Variants in PCDHA7 observed in about 807,000 individuals in gnomAD.
The protein encoded by PCDHA7 is protocadherin alpha 7.
In PCDHA7, 37 loss-of-function variants were observed where a neutral mutation model predicts 57.2. That is an observed-to-expected ratio of 0.65 (90% CI 0.50 to 0.85). The LOEUF is 0.85. Ranked by LOEUF, PCDHA7 falls within the 40% of genes least tolerant of loss-of-function variation. The pLI is 0.00. For synonymous variants in PCDHA7, 553 were observed against 558.8 expected, an observed-to-expected ratio of 0.99 and a Z score of 0.15; for missense variants, 1,188 against 1,241.8, an observed-to-expected ratio of 0.96 and a Z score of 0.65.
chr5:140,887,101 CTTT>C (rs200717289), intron 1 of PCDHA7, among the ~76,000 whole-genome samples: 1 of 145,292 alleles, frequency 6.9e-6, no homozygotes, highest in African/African-American at 2.5e-5. Flanking sequence ...ATCTTTATCT[CTTT>C]TTTTTTTTTT....
intron 1 of PCDHA7, among the ~76,000 whole-genome samples, chr5:140,916,270 G>A (rs1487301756): frequency 1.3e-5 from 2 of 152,180 alleles, no homozygotes; most frequent in Admixed American, 1.3e-4. Flanking sequence ...GAGCATGCTT[G>A]TTGCTCTACT....
Position 140,871,133 on chromosome 5 carries a change from C to A in PCDHA7, c.2355+34395C>A, listed in dbSNP as rs1156390839. On this transcript the variant is annotated intron_variant, in intron 1 of 3. Transcript: ENST00000525929. ...GTGGAGAGCGGACAGGCGCCAAAGG[C>A]CTCTTCCCGGACTTTGGCGGGCGCC... 29 of 1,613,274 alleles carry A rather than the reference C, an allele frequency of 1.8e-5. No homozygotes were observed. Among genetic ancestry groups the A allele is most frequent in the Non-Finnish European group, 2.5e-5 (29 of 1,179,916 alleles).
Position 140,967,000 on chromosome 5 carries a change from C to T in PCDHA7, c.2356-11949C>T, listed in dbSNP as rs544624379. The T allele has an allele frequency of 6.1e-5, 98 of 1,604,962 alleles. No individual in the cohort carries two copies. The East Asian group carries it at 2.1e-3, about 35-fold the overall frequency. ...GGCGCTTGGGGCCGGGTTGCTTGCG[C>T]ATCAACCATCTGGGTGCGCCCAGTC... On this transcript the variant is annotated intron_variant, in intron 1 of 3. Coordinates refer to ENST00000525929, the MANE Select transcript of PCDHA7 (RefSeq NM_018910.3).
intron 1 of PCDHA7, chr5:140,875,400 T>C: frequency 6.7e-7 from 1 of 1,485,268 alleles, no homozygotes; most frequent in Admixed American, 2.6e-5. Flanking sequence ...AAAGGGTGAC[T>C]GCTCATAAAA....
intron 1 of PCDHA7, among the ~76,000 whole-genome samples, chr5:140,837,994 C>CA (rs1554136741): frequency 6.6e-6 from 1 of 150,494 alleles, no homozygotes; most frequent in Non-Finnish European, 1.5e-5. Context: ...TTCATCTTTC[C>CA]TTTTTTTTAA....
chr5:140,926,414 A>C, intron 1 of PCDHA7: 1 of 152,834 alleles, frequency 6.5e-6, no homozygotes, highest in Non-Finnish European at 1.5e-5. Context: ...ATCTGCGGGC[A>C]GAGGATGTGG....
chr5:140,939,811 A>G (rs1554212933), intron 1 of PCDHA7, among the ~76,000 whole-genome samples: 1 of 152,224 alleles, frequency 6.6e-6, no homozygotes, highest in African/African-American at 2.4e-5. Context: ...CATGTTCAAG[A>G]AAAAGCAGTA....
intron 1 of PCDHA7, among the ~76,000 whole-genome samples, chr5:140,917,832 C>T (rs1554198323): frequency 1.3e-5 from 2 of 151,488 alleles, no homozygotes; most frequent in Admixed American, 6.6e-5. Context: ...AGTGTGATGT[C>T]CTTCTTGTTC....
At position 140,870,296 on chromosome 5, in the gene PCDHA7, C is replaced by T. The variant is rs782782375; in HGVS notation, c.2355+33558C>T. ...CCCCACGTTCCCTTCAAGCTGGTGTCCACCTTCAAGAATTACTACTCGTTG... is the reference window on the plus strand; with the variant it reads ...CCCCACGTTCCCTTCAAGCTGGTGTTCACCTTCAAGAATTACTACTCGTTG... On this transcript the variant is annotated intron_variant, in intron 1 of 3. Transcript: ENST00000525929. 1.2e-5 allele frequency: 20 copies of T among 1,614,086 alleles called. No homozygotes were observed. In the African/African-American group the frequency reaches 2.3e-4, roughly 18 times the overall value.
chr5:140,917,332 G>GA, intron 1 of PCDHA7, among the ~76,000 whole-genome samples: 1 of 145,644 alleles, frequency 6.9e-6, no homozygotes, highest in Non-Finnish European at 1.5e-5. Context: ...GGCGGGGGAG[G>GA]GGGGGGATGG....
At chr5:140,889,637 G>A (rs184352635) in intron 1 of PCDHA7, among the ~76,000 whole-genome samples, 5 of 151,668 alleles carry the variant, frequency 3.3e-5, no homozygotes, top group Admixed American at 3.3e-4. Context: ...CTTTTCATTT[G>A]TGTTTGCAGG....
At chr5:140,867,556 A>G (rs578116609) in intron 1 of PCDHA7, 33 of 152,264 alleles carry the variant, frequency 2.2e-4, no homozygotes, top group African/African-American at 7.5e-4. Flanking sequence ...TACACATATG[A>G]TAACTTTTTC....
intron 3 of PCDHA7, among the ~76,000 whole-genome samples, chr5:140,996,316 A>C (rs2153939037): frequency 6.6e-6 from 1 of 152,250 alleles, no homozygotes; most frequent in African/African-American, 2.4e-5. Context: ...GTAAGGGGGG[A>C]GGGTAGAGAA....
Position 140,964,245 on chromosome 5 carries a change from T to C in PCDHA7, c.2356-14704T>C, listed in dbSNP as rs549634734. On this transcript the variant is annotated intron_variant, in intron 1 of 3. Transcript: ENST00000525929. ...TCAAAATGAGGCTGATTGTGTTGGC[T>C]TTATATTTGACTCCTTAATAATTAA... is the stretch of plus-strand genomic sequence containing the variant. Among the ~76,000 whole-genome samples, 6 of 152,346 alleles carry C rather than the reference T, an allele frequency of 3.9e-5. No individual in the cohort carries two copies. In the East Asian group the frequency reaches 1.2e-3, roughly 29 times the overall value.
At chr5:140,882,457 G>A (rs781908788) in intron 1 of PCDHA7, 2 of 1,613,938 alleles carry the variant, frequency 1.2e-6, no homozygotes, top group East Asian at 2.2e-5. Flanking sequence ...TGCCGCGCCT[G>A]TTCCGGGTGG....
At chr5:140,964,213 A>G (rs1338010666) in intron 1 of PCDHA7, among the ~76,000 whole-genome samples, 10 of 152,210 alleles carry the variant, frequency 6.6e-5, no homozygotes, top group African/African-American at 1.9e-4. Flanking sequence ...CTTTAGTACA[A>G]TGTCTTTCAA....
intron 3 of PCDHA7, among the ~76,000 whole-genome samples, chr5:140,989,839 A>G (rs2097362613): frequency 6.6e-6 from 1 of 152,166 alleles, no homozygotes; most frequent in Admixed American, 6.5e-5. Context: ...CCTGTCAATG[A>G]GTGTGTGGAC....
At chr5:140,985,000 C>T (rs1237251178) in intron 3 of PCDHA7, among the ~76,000 whole-genome samples, 5 of 151,948 alleles carry the variant, frequency 3.3e-5, no homozygotes, top group Non-Finnish European at 7.4e-5. Context: ...TCCAGTGGCA[C>T]GATATCGGCT....
chr5:140,863,248 G>C (rs782700291), intron 1 of PCDHA7: 8 of 1,396,066 alleles, frequency 5.7e-6, no homozygotes, highest in Middle Eastern at 1.9e-4. Context: ...TTTGGCGGGC[G>C]TCGAGGTCCG....
Sources: allele counts gnomAD v4.1 joint callset (sites outside exome capture counted in the v4.1 genomes callset), GRCh38; gene constraint gnomAD v4.1.1; transcripts MANE v1.5; gene names NCBI Gene and HGNC (gene_info 2026-07-23, HGNC 2026-07-21).